Variants in CTNNA3 observed in about 807,000 individuals in gnomAD.
The protein encoded by CTNNA3 is catenin alpha-3.
In CTNNA3, 76 loss-of-function variants were observed where a neutral mutation model predicts 95.7. The observed-to-expected ratio is 0.79, with a 90% CI of 0.66 to 0.96. The LOEUF (loss-of-function observed/expected upper bound fraction) is 0.96. Ranked by LOEUF, CTNNA3 falls within the 40% of genes least tolerant of loss-of-function variation. CTNNA3 has a pLI of 0.00. For synonymous variants in CTNNA3, 431 were observed against 374.4 expected (o/e 1.15, Z -1.74); for missense variants, 1,191 against 1,089.8 (o/e 1.09, Z -1.31).
intron 5 of CTNNA3, among the ~76,000 whole-genome samples, chr10:67,227,602 A>C (rs1864986963): frequency 6.6e-6 from 1 of 152,214 alleles, no homozygotes; most frequent in Admixed American, 6.5e-5. Flanking sequence ...ATAGTGGGGG[A>C]CTTCAATACT....
At chr10:66,692,186 A>T (rs1407016227) in intron 9 of CTNNA3, among the ~76,000 whole-genome samples, 1 of 152,170 alleles carries the variant, frequency 6.6e-6, no homozygotes, top group Admixed American at 6.5e-5. Flanking sequence ...GGAAATTCAA[A>T]CCAAAGGCAA....
chr10:66,584,758 T>A (rs1843304569), intron 10 of CTNNA3, among the ~76,000 whole-genome samples: 1 of 152,014 alleles, frequency 6.6e-6, no homozygotes, highest in Non-Finnish European at 1.5e-5. Context: ...GTTTTCTTCA[T>A]ATTGTTATTG....
At chr10:67,664,163 A>G (rs1840270920) in intron 1 of CTNNA3, among the ~76,000 whole-genome samples, 1 of 152,196 alleles carries the variant, frequency 6.6e-6, no homozygotes, top group Non-Finnish European at 1.5e-5. Context: ...AAATTGCTAA[A>G]TATATTTTAT....
intron 10 of CTNNA3, among the ~76,000 whole-genome samples, chr10:66,602,996 G>T (rs886931133): frequency 4.6e-5 from 7 of 151,980 alleles, no homozygotes; most frequent in Non-Finnish European, 8.8e-5. Flanking sequence ...ATAGTGAATG[G>T]GGAAAACTCT....
At chr10:67,366,605 C>T (rs1843228989) in intron 5 of CTNNA3, among the ~76,000 whole-genome samples, 1 of 151,656 alleles carries the variant, frequency 6.6e-6, no homozygotes, top group Admixed American at 6.6e-5. Context: ...CCTGCCACTG[C>T]ACTCCAGCCT....
intron 5 of CTNNA3, among the ~76,000 whole-genome samples, chr10:67,378,927 T>C (rs1435997394): frequency 2.6e-5 from 4 of 152,170 alleles, no homozygotes; most frequent in Non-Finnish European, 5.9e-5. Flanking sequence ...ATGAGATACA[T>C]GTCAAATAAT....
At chr10:66,237,686 C>G (rs938655557) in intron 13 of CTNNA3, among the ~76,000 whole-genome samples, 1 of 151,826 alleles carries the variant, frequency 6.6e-6, no homozygotes, top group African/African-American at 2.4e-5. Flanking sequence ...ATAAAAATGG[C>G]AGCAAATAAA....
chr10:67,560,692 C>T (rs1841475420), intron 3 of CTNNA3, among the ~76,000 whole-genome samples: 1 of 152,052 alleles, frequency 6.6e-6, no homozygotes, highest in African/African-American at 2.4e-5. Context: ...TACAGACTGG[C>T]AAATTGGATA....
intron 7 of CTNNA3, among the ~76,000 whole-genome samples, chr10:66,953,692 TTAAAA>T (rs1321015369): frequency 4.6e-5 from 7 of 152,188 alleles, no homozygotes; most frequent in African/African-American, 1.4e-4. Flanking sequence ...TCTTTGAAAC[TTAAAA>T]TAGATATCAT....
At chr10:66,632,718 G>C (rs1845188223) in intron 9 of CTNNA3, among the ~76,000 whole-genome samples, 1 of 151,690 alleles carries the variant, frequency 6.6e-6, no homozygotes, top group African/African-American at 2.4e-5. Context: ...AAAAAGGCTA[G>C]AATATATTAC....
At chr10:67,111,702 A>T (rs950765764) in intron 7 of CTNNA3, among the ~76,000 whole-genome samples, 1 of 152,084 alleles carries the variant, frequency 6.6e-6, no homozygotes, top group African/African-American at 2.4e-5. Context: ...CAAGATAAAA[A>T]GAAATCCACT....
intron 5 of CTNNA3, among the ~76,000 whole-genome samples, chr10:67,250,370 C>A (rs1321015065): frequency 6.6e-6 from 1 of 152,118 alleles, no homozygotes; most frequent in Non-Finnish European, 1.5e-5. Context: ...TGCCTGCCAC[C>A]ACGTCTGGCT....
At chr10:66,895,666 C>T (rs1016636596) in intron 7 of CTNNA3, among the ~76,000 whole-genome samples, 1 of 152,024 alleles carries the variant, frequency 6.6e-6, no homozygotes, top group African/African-American at 2.4e-5. Context: ...CTTTATGCCT[C>T]AGTTTTCCTC....
intron 7 of CTNNA3, among the ~76,000 whole-genome samples, chr10:67,009,883 C>T (rs1852217923): frequency 6.6e-6 from 1 of 152,116 alleles, no homozygotes; most frequent in South Asian, 2.1e-4. Flanking sequence ...TTTGTACGTA[C>T]TGTCTCTTCT....
At chr10:66,904,436 C>A (rs993392076) in intron 7 of CTNNA3, among the ~76,000 whole-genome samples, 1 of 152,118 alleles carries the variant, frequency 6.6e-6, no homozygotes, top group Admixed American at 6.6e-5. Context: ...CCAGGCAATA[C>A]CATTCAGGAC....
chr10:66,229,390 A>G (rs917804993), intron 13 of CTNNA3, among the ~76,000 whole-genome samples: 1 of 152,098 alleles, frequency 6.6e-6, no homozygotes. Flanking sequence ...CTCTTATGCA[A>G]TTCACGTGGG....
chr10:67,112,067 G>A (rs573309749), intron 7 of CTNNA3, among the ~76,000 whole-genome samples: 18 of 152,196 alleles, frequency 1.2e-4, no homozygotes, highest in Admixed American at 5.9e-4. Flanking sequence ...TCATTCACAC[G>A]TTGAATAGAT....
intron 11 of CTNNA3, among the ~76,000 whole-genome samples, chr10:66,455,390 T>A (rs2093489183): frequency 6.6e-6 from 1 of 152,094 alleles, no homozygotes; most frequent in Admixed American, 6.6e-5. Flanking sequence ...GTCAACCCAA[T>A]GGAGTGCAGC....
chr10:65,965,568 C>G (rs1240919200), intron 17 of CTNNA3, among the ~76,000 whole-genome samples: 3 of 151,900 alleles, frequency 2.0e-5, no homozygotes, highest in Non-Finnish European at 4.4e-5. Context: ...CCACACCCAG[C>G]TAATTTTTGT....
Sources: gnomAD v4.1 joint callset for allele counts (sites outside exome capture counted in the v4.1 genomes callset) on GRCh38, gnomAD v4.1.1 for gene constraint, MANE v1.5 for transcripts, NCBI Gene and HGNC (gene_info 2026-07-23, HGNC 2026-07-21) for gene names.